Variants in ACADM observed in about 807,000 individuals in gnomAD.
ACADM encodes acyl-CoA dehydrogenase medium chain, also known as medium-chain specific acyl-CoA dehydrogenase, mitochondrial.
Under a neutral mutation model 58.9 loss-of-function variants are expected in ACADM, and 49 were observed. That is an observed-to-expected ratio of 0.83 (90% confidence interval 0.66 to 1.06). The LOEUF is 1.06. Among genes scored for constraint, ACADM ranks in the 50% least tolerant of loss-of-function variants. The pLI is 0.00. For missense variants in ACADM, 496 were observed against 507.0 expected, an observed-to-expected ratio of 0.98 and a Z score of 0.21; for synonymous variants, 160 against 157.7, an observed-to-expected ratio of 1.01 and a Z score of -0.11.
chr1:75,725,178 T>C (rs1284272026), intron 1 of ACADM, among the ~76,000 whole-genome samples: 1 of 152,078 alleles, frequency 6.6e-6, no homozygotes, highest in Non-Finnish European at 1.5e-5. Flanking sequence ...ATGGAGCAGC[T>C]ACTCCTTGAA....
chr1:75,732,593 A>G (rs768475053), intron 2 of ACADM, 51 bp from the exon 3 acceptor site: 1 of 1,365,752 alleles, frequency 7.3e-7, no homozygotes, highest in Non-Finnish European at 1.0e-6. Flanking sequence ...ACTTCATAGG[A>G]CATTTTTCCT....
At chr1:75,743,973 C>T (rs1229701351) in intron 7 of ACADM, 1 of 1,557,170 alleles carries the variant, frequency 6.4e-7, no homozygotes. Context: ...TCAAAAAAGC[C>T]TCTTTGTGCC....
chr1:75,727,893 G>T (rs1421008236), intron 1 of ACADM, among the ~76,000 whole-genome samples: 5 of 152,138 alleles, frequency 3.3e-5, no homozygotes, highest in Non-Finnish European at 7.4e-5. Flanking sequence ...ATGCTAATTT[G>T]TTTTGTTAGA....
rs566450106 is a variant in ACADM at position 75,742,657 on chromosome 1, A to G, written c.599+2547A>G. 9.7e-4 allele frequency among the ~76,000 whole-genome samples: 148 copies of G among 152,234 alleles called. 1 individual carries two copies. The highest frequency in any genetic ancestry group is 3.2e-3 in the African/African-American group (135 of 41,544). ...GGTGCTAGAATGAGGCCCAGCAACC[A>G]GGAAAGGGTTGCTACAGCCCCAGCT... On this transcript the variant is annotated intron_variant, in intron 7 of 11. Transcript: ENST00000370841.
chr1:75,756,101 C>T (rs1369395045), intron 10 of ACADM, among the ~76,000 whole-genome samples: 2 of 152,098 alleles, frequency 1.3e-5, no homozygotes, highest in Admixed American at 6.5e-5. Context: ...AACCCACAGC[C>T]AATATCATAC....
chr1:75,730,456 A>G (rs1010309107), intron 2 of ACADM, among the ~76,000 whole-genome samples: 2 of 152,148 alleles, frequency 1.3e-5, no homozygotes, highest in Non-Finnish European at 2.9e-5. Flanking sequence ...ATTAAATTAT[A>G]TGCTGTATTT....
intron 9 of ACADM, among the ~76,000 whole-genome samples, chr1:75,749,991 G>A (rs1057071235): frequency 2.0e-5 from 3 of 151,998 alleles, no homozygotes; most frequent in African/African-American, 7.2e-5. Flanking sequence ...GATTACAGGC[G>A]TGAGCCACCG....
chr1:75,744,587 T>C (rs17097423), intron 7 of ACADM: 1 of 1,330,278 alleles, frequency 7.5e-7, no homozygotes, highest in Non-Finnish European at 1.1e-6. Flanking sequence ...TTGCATACAG[T>C]TGTAGTTCTG....
intron 10 of ACADM, among the ~76,000 whole-genome samples, chr1:75,760,271 A>G (rs1344668376): frequency 1.4e-5 from 2 of 147,994 alleles, no homozygotes; most frequent in Non-Finnish European, 3.0e-5. Flanking sequence ...ATACAAAAAA[A>G]AAAAAAAAAA....
intron 9 of ACADM, 83 bp downstream of exon 9, chr1:75,749,642 C>T (rs1480207835): frequency 8.0e-7 from 1 of 1,246,748 alleles, no homozygotes; most frequent in East Asian, 2.6e-5. Context: ...ATTGTATGTT[C>T]AGTGTGTTTC....
At chr1:75,728,565 T>C in intron 2 of ACADM, 77 bp downstream of exon 2, 5 of 1,091,282 alleles carry the variant, frequency 4.6e-6, no homozygotes, top group Non-Finnish European at 5.6e-6. Context: ...AATATGTTTG[T>C]AAATAAACTT....
chr1:75,761,760 C>A, intron 11 of ACADM: 1 of 229,514 alleles, frequency 4.4e-6, no homozygotes, highest in Non-Finnish European at 8.7e-6. Context: ...GAGTCAAAAA[C>A]CAACATCAGG....
At chr1:75,761,608 G>T in intron 11 of ACADM, 1 of 500,224 alleles carries the variant, frequency 2.0e-6, no homozygotes, top group East Asian at 3.5e-5. Context: ...TATTACGTTT[G>T]GATTAGATTT....
At chr1:75,757,511 A>G (rs1248829289) in intron 10 of ACADM, among the ~76,000 whole-genome samples, 1 of 152,210 alleles carries the variant, frequency 6.6e-6, no homozygotes. Flanking sequence ...ATGAGATACC[A>G]TCTCATATCA....
intron 8 of ACADM, among the ~76,000 whole-genome samples, chr1:75,748,201 TAAAGC>T (rs1231711180): frequency 6.6e-6 from 1 of 152,126 alleles, no homozygotes; most frequent in Non-Finnish European, 1.5e-5. Flanking sequence ...AAATAAAAAA[TAAAGC>T]AAATGTATCA....
chr1:75,726,214 C>G (rs1391458560), intron 1 of ACADM, among the ~76,000 whole-genome samples: 2 of 152,068 alleles, frequency 1.3e-5, no homozygotes, highest in Non-Finnish European at 2.9e-5. Context: ...TCGAGACCAG[C>G]CTGGCCAAAG....
At position 75,727,883 on chromosome 1, in the gene ACADM, A is replaced by T. The variant is rs570905592; in HGVS notation, c.31-518A>T. ...AGCAGAAAATACAGAACATGGTTTT[A>T]TGCTAATTTGTTTTGTTAGAGTGGG... On this transcript the variant is annotated intron_variant, in intron 1 of 11. Coordinates refer to ENST00000370841, the MANE Select transcript of ACADM (RefSeq NM_000016.6). 2.6e-5 allele frequency among the ~76,000 whole-genome samples: 4 copies of T among 152,304 alleles called. No individual in the cohort carries two copies. The South Asian group carries it at 8.3e-4, about 32-fold the overall frequency.
intron 5 of ACADM, 83 bp downstream of exon 5, chr1:75,733,711 A>G (rs866444108): frequency 3.6e-6 from 4 of 1,120,904 alleles, no homozygotes; most frequent in Non-Finnish European, 5.3e-6. Context: ...TTTTTAGAAG[A>G]AAAAAAAAGG....
intron 11 of ACADM, 47 bp downstream of exon 11, chr1:75,761,417 C>G (rs1376748184): frequency 2.4e-5 from 38 of 1,590,852 alleles, no homozygotes; most frequent in Non-Finnish European, 3.0e-5. Context: ...AGAGAATATT[C>G]ATAAATGACA....
Sources: gnomAD v4.1 joint callset for allele counts (sites outside exome capture counted in the v4.1 genomes callset) on GRCh38, gnomAD v4.1.1 for gene constraint, MANE v1.5 for transcripts, NCBI Gene and HGNC (gene_info 2026-07-23, HGNC 2026-07-21) for gene names.